The following N4BP2 variants were observed in gnomAD, a reference collection of about 807,000 sequenced individuals.
N4BP2 encodes the protein NEDD4 binding protein 2.
N4BP2 carries 91 observed loss-of-function variants against 152.8 expected under a neutral mutation model. That is an observed-to-expected ratio of 0.60 (90% CI 0.50 to 0.71). The LOEUF (loss-of-function observed/expected upper bound fraction) is 0.71. N4BP2 is among the 30% of genes least tolerant of loss of function. The pLI, the probability that N4BP2 is intolerant of heterozygous loss-of-function variation, is 0.00. For synonymous variants in N4BP2, 646 were observed against 705.3 expected (o/e 0.92, Z 1.33); for missense variants, 1,923 against 2,059.1 (o/e 0.93, Z 1.28).
At chr4:40,184,638 A>G in the N4BP2 span, among the ~76,000 whole-genome samples, 2 of 152,180 alleles carry the variant, frequency 1.3e-5, no homozygotes, top group African/African-American at 4.8e-5. Context: ...TGCCTTTCAG[A>G]CGTGAAAAAT....
chr4:40,098,786 T>C (rs1715335900), intron 3 of N4BP2, among the ~76,000 whole-genome samples: 1 of 152,222 alleles, frequency 6.6e-6, no homozygotes, highest in African/African-American at 2.4e-5. Context: ...TTACAAGAAA[T>C]CCACATCATC....
At chr4:40,158,470 C>T (rs1721764114), downstream of N4BP2, among the ~76,000 whole-genome samples, 1 of 152,120 alleles carries the variant, frequency 6.6e-6, no homozygotes, top group South Asian at 2.1e-4. Flanking sequence ...TCCTCACACC[C>T]TGTATCTTTT....
intron 4 of N4BP2, among the ~76,000 whole-genome samples, chr4:40,104,005 A>C (rs914358491): frequency 9.2e-5 from 14 of 151,776 alleles, no homozygotes; most frequent in Admixed American, 1.3e-4. Context: ...CCCAGGCTGG[A>C]GTGCAGTGGC....
chr4:40,144,574 C>T, intron 15 of N4BP2, 58 bp from the exon 16 acceptor site: 1 of 1,387,106 alleles, frequency 7.2e-7, no homozygotes. Flanking sequence ...TATTAACTTC[C>T]TCATCACCCA....
the N4BP2 span, among the ~76,000 whole-genome samples, chr4:40,184,795 A>C: frequency 6.6e-6 from 1 of 151,950 alleles, no homozygotes; most frequent in Non-Finnish European, 1.5e-5. Flanking sequence ...ATCTCTACTG[A>C]AAACACAAAA....
chr4:40,187,976 C>T, the N4BP2 span, among the ~76,000 whole-genome samples: 4 of 152,170 alleles, frequency 2.6e-5, no homozygotes, highest in African/African-American at 9.7e-5. Flanking sequence ...AAGAACTGTT[C>T]TTTAAAAGTG....
chr4:40,093,655 C>T (rs1016178385), intron 2 of N4BP2, among the ~76,000 whole-genome samples: 5 of 151,854 alleles, frequency 3.3e-5, no homozygotes, highest in Non-Finnish European at 4.4e-5. Flanking sequence ...TTGCTCTTGT[C>T]GCCCAGGCTG....
chr4:40,121,907 GA>G lies in N4BP2; in HGVS notation c.3803del (p.Asn1268ThrfsTer2). 1 of 1,592,658 alleles carries G rather than the reference GA, an allele frequency of 6.3e-7. No individual in the cohort carries two copies. The highest frequency in any genetic ancestry group is 8.5e-7 in the Non-Finnish European group (1 of 1,174,302). On this transcript the variant is annotated frameshift_variant, in exon 9 of 18. Coordinates refer to ENST00000261435, the MANE Select transcript of N4BP2 (RefSeq NM_018177.6). LOFTEE classifies it high-confidence loss of function. ...TACTCCTAAAGATATGAGTGAAACA[GA>G]AAAAAACCTAGTAGTCACAGAGACT... is the stretch of plus-strand genomic sequence containing the variant. Reference protein sequence around the residue: ...ATTPKDMSETEKNLVVTETGD... With the variant: ...ATTPKDMSETXKNLVVTETGD...
the N4BP2 span, among the ~76,000 whole-genome samples, chr4:40,179,971 T>C: frequency 1.3e-5 from 2 of 151,736 alleles, no homozygotes; most frequent in African/African-American, 4.8e-5. Flanking sequence ...TCCATGTTGG[T>C]CAGGCTGGTC....
At chr4:40,076,575 G>A (rs925266141) in intron 2 of N4BP2, among the ~76,000 whole-genome samples, 5 of 151,768 alleles carry the variant, frequency 3.3e-5, no homozygotes, top group African/African-American at 4.8e-5. Context: ...TGCAAGCTCC[G>A]CCTCCTGGGT....
At chr4:40,075,374 A>G (rs1712626669) in intron 2 of N4BP2, among the ~76,000 whole-genome samples, 1 of 152,180 alleles carries the variant, frequency 6.6e-6, no homozygotes, top group Admixed American at 6.6e-5. Context: ...TCAGAGGTCT[A>G]TCCAGTTTTT....
intron 4 of N4BP2, among the ~76,000 whole-genome samples, chr4:40,106,609 C>T (rs184800753): frequency 3.3e-5 from 5 of 152,076 alleles, no homozygotes; most frequent in Admixed American, 2.6e-4. Flanking sequence ...AGTACGGTGG[C>T]GCAATCTCAG....
intron 2 of N4BP2, chr4:40,082,868 T>C (rs1308553102): frequency 6.5e-6 from 1 of 154,192 alleles, no homozygotes; most frequent in Non-Finnish European, 1.4e-5. Context: ...GCCCGGCTAA[T>C]TTTTTGTATT....
downstream of N4BP2, among the ~76,000 whole-genome samples, chr4:40,161,459 T>C (rs1183416695): frequency 6.6e-6 from 1 of 152,210 alleles, no homozygotes; most frequent in Non-Finnish European, 1.5e-5. Flanking sequence ...TTATACCAGT[T>C]GCAATTTGTG....
intron 12 of N4BP2, among the ~76,000 whole-genome samples, chr4:40,127,667 A>G (rs1202871907): frequency 6.6e-6 from 1 of 150,500 alleles, no homozygotes; most frequent in East Asian, 2.0e-4. Flanking sequence ...AAATATATAT[A>G]TATATTTTTT....
At chr4:40,086,865 A>G (rs568466169) in intron 2 of N4BP2, among the ~76,000 whole-genome samples, 1 of 152,152 alleles carries the variant, frequency 6.6e-6, no homozygotes, top group African/African-American at 2.4e-5. Context: ...CTCCCATCTC[A>G]GCCTCCTGAG....
rs747714502 is a variant in N4BP2, at chr4:40,157,484, T to C, written c.*3247T>C. On this transcript the variant is annotated 3_prime_UTR_variant, in exon 18 of 18. Coordinates refer to ENST00000261435, the MANE Select transcript of N4BP2 (RefSeq NM_018177.6). ...GCTTAGAAAGTAGACATGTATAATA[T>C]TGAGATCGGTTATTTCTGAGCTGGA... is the stretch of plus-strand genomic sequence containing the variant. 1.3e-5 allele frequency: 2 copies of C among 152,154 alleles called. No individual in the cohort carries two copies. The highest frequency in any genetic ancestry group is 2.4e-5 in the African/African-American group (1 of 41,458). The allele number at this position is 152,154 out of a possible 1,614,324, so 9.4% of individuals were successfully genotyped here. A position where few individuals can be genotyped will look rare whatever the true frequency, so the allele number is the denominator to read the frequency against.
rs1268661882 is a variant in N4BP2, at chr4:40,098,889, T to C, written c.229+1320T>C. ...AGATTTGAGTGGTGGAATTTTGTTATTATGCGTTTTTAACTTAACATAAGC... is the reference window on the plus strand; with the variant it reads ...AGATTTGAGTGGTGGAATTTTGTTACTATGCGTTTTTAACTTAACATAAGC... On this transcript the variant is annotated intron_variant, in intron 3 of 17. Transcript: ENST00000261435. Among the ~76,000 whole-genome samples the C allele has an allele frequency of 2.0e-5, 3 of 152,236 alleles. No individual in the cohort carries two copies. The East Asian group carries it at 5.8e-4, about 29-fold the overall frequency.
In N4BP2 at chr4:40,107,626, C is replaced by T. The variant is rs546648221; in HGVS notation, c.1498+602C>T. On this transcript the variant is annotated intron_variant, in intron 5 of 17. Coordinates refer to ENST00000261435, the MANE Select transcript of N4BP2 (RefSeq NM_018177.6). Reference sequence around the variant, plus strand: ...CTCGAACTCCTGACCTTAGGTGGTCCGCCTGCCTTGGCCTCCCAAAGTGCT... The same window carrying T: ...CTCGAACTCCTGACCTTAGGTGGTCTGCCTGCCTTGGCCTCCCAAAGTGCT... Among the ~76,000 whole-genome samples the T allele has an allele frequency of 4.0e-5, 6 of 151,528 alleles. No individual in the cohort carries two copies. The South Asian group carries it at 6.3e-4, about 16-fold the overall frequency.
Sources: allele counts gnomAD v4.1 joint callset (sites outside exome capture counted in the v4.1 genomes callset), GRCh38; gene constraint gnomAD v4.1.1; transcripts MANE v1.5; gene names NCBI Gene and HGNC (gene_info 2026-07-23, HGNC 2026-07-21).